The following FRMD6 variants were observed in gnomAD, a reference collection of about 807,000 sequenced individuals.
FRMD6 encodes the protein FERM domain containing 6.
Under a neutral mutation model 73.2 loss-of-function variants are expected in FRMD6, and 37 were observed. The ratio of observed to expected loss-of-function variants is 0.51; its 90% CI spans 0.39 to 0.66. The LOEUF (loss-of-function observed/expected upper bound fraction) is 0.66, where lower values mean the gene tolerates loss of function less well. FRMD6 is among the 30% of genes least tolerant of loss of function. The pLI, the probability that FRMD6 is intolerant of heterozygous loss-of-function variation, is 0.00. For missense variants in FRMD6, 714 were observed against 780.5 expected (o/e 0.91, Z 1.02); for synonymous variants, 273 against 282.2 (o/e 0.97, Z 0.33).
chr14:51,448,143 A>T, the FRMD6 span, among the ~76,000 whole-genome samples: 4 of 152,190 alleles, frequency 2.6e-5, no homozygotes, highest in Non-Finnish European at 4.4e-5. Flanking sequence ...ATTTTTTGGA[A>T]TTCCTAATGT....
intron 1 of FRMD6, among the ~76,000 whole-genome samples, chr14:51,498,213 C>A (rs932151662): frequency 3.3e-5 from 5 of 152,124 alleles, no homozygotes; most frequent in Admixed American, 3.3e-4. Flanking sequence ...TTAGCCAGAC[C>A]CATAAGCGTA....
intron 2 of FRMD6, among the ~76,000 whole-genome samples, chr14:51,628,319 A>G (rs1394629187): frequency 6.6e-6 from 1 of 152,248 alleles, no homozygotes; most frequent in African/African-American, 2.4e-5. Flanking sequence ...TAATTGACAT[A>G]CTATAAAATT....
At chr14:51,568,914 C>T (rs927685539) in intron 1 of FRMD6, among the ~76,000 whole-genome samples, 1 of 149,188 alleles carries the variant, frequency 6.7e-6, no homozygotes, top group Non-Finnish European at 1.5e-5. Flanking sequence ...GGCGCAGTCT[C>T]GGCTCACTGC....
intron 2 of FRMD6, among the ~76,000 whole-genome samples, chr14:51,629,394 A>G (rs4402469): frequency 0.25 from 37,640 of 152,160 alleles, 5,131 homozygotes; most frequent in Admixed American, 0.36. Context: ...CCTAAGAGCA[A>G]AATTCCTAGG....
intron 9 of FRMD6, chr14:51,713,991 A>G (rs1227923729): frequency 1.3e-5 from 2 of 152,114 alleles, no homozygotes; most frequent in South Asian, 2.1e-4. Context: ...TTAAAGATAC[A>G]TATTTTTGGG....
the FRMD6 span, among the ~76,000 whole-genome samples, chr14:51,441,655 G>A: frequency 6.6e-6 from 1 of 152,210 alleles, no homozygotes; most frequent in East Asian, 1.9e-4. Context: ...TGGACAGAGA[G>A]AATGCAGGTG....
the FRMD6 span, among the ~76,000 whole-genome samples, chr14:51,444,828 A>G: frequency 6.6e-4 from 100 of 152,236 alleles, no homozygotes; most frequent in African/African-American, 2.1e-3. Flanking sequence ...CTTGTTGTCG[A>G]TGTTGGTGTC....
At chr14:51,430,044 A>C in the FRMD6 span, among the ~76,000 whole-genome samples, 1 of 152,212 alleles carries the variant, frequency 6.6e-6, no homozygotes, top group Admixed American at 6.5e-5. Flanking sequence ...AAGAAAGAAA[A>C]AGAAATAAAA....
intron 1 of FRMD6, among the ~76,000 whole-genome samples, chr14:51,498,302 TC>T (rs1883416328): frequency 6.6e-6 from 1 of 152,234 alleles, no homozygotes; most frequent in Non-Finnish European, 1.5e-5. Flanking sequence ...TTTCCCTTTT[TC>T]CAGACTCCAG....
intron 1 of FRMD6, among the ~76,000 whole-genome samples, chr14:51,549,756 C>T (rs1461003713): frequency 1.3e-5 from 2 of 151,992 alleles, no homozygotes; most frequent in Non-Finnish European, 2.9e-5. Context: ...CCGCCTCGCC[C>T]GGCTAGTTTT....
In FRMD6 at chr14:51,671,050, A is replaced by T. The variant is rs190798026; in HGVS notation, c.-146-18641A>T. Among the ~76,000 whole-genome samples, 640 of 152,344 alleles carry T rather than the reference A, an allele frequency of 4.2e-3. 5 individuals carry two copies. The highest frequency in any genetic ancestry group is 0.029 in the South Asian group (139 of 4,824). On this transcript the variant is annotated intron_variant, in intron 1 of 13. Transcript: ENST00000344768. ...CAGTTTTTCATCTTTTGTGGTGAGTAACATTGATTTTTGAATATCAAACCA... is the reference window on the plus strand; with the variant it reads ...CAGTTTTTCATCTTTTGTGGTGAGTTACATTGATTTTTGAATATCAAACCA...
intron 1 of FRMD6, among the ~76,000 whole-genome samples, chr14:51,675,069 T>C (rs1894290656): frequency 6.6e-6 from 1 of 152,214 alleles, no homozygotes; most frequent in Middle Eastern, 3.4e-3. Flanking sequence ...ATATGGGAAA[T>C]AGAATGTTGC....
At chr14:51,438,384 C>G in the FRMD6 span, among the ~76,000 whole-genome samples, 635 of 152,274 alleles carry the variant, frequency 4.2e-3, 6 homozygotes, top group African/African-American at 0.015. Context: ...AGATGATGCT[C>G]AGTTTTAAAG....
chr14:51,510,382 C>T (rs1000523721), intron 1 of FRMD6, among the ~76,000 whole-genome samples: 6 of 152,192 alleles, frequency 3.9e-5, no homozygotes, highest in African/African-American at 1.4e-4. Context: ...CTGTTCATGC[C>T]TCCCTTGTGT....
At position 51,566,810 on chromosome 14, in the gene FRMD6, C is replaced by A. The variant is rs186942808; in HGVS notation, c.-209-3538C>A. On this transcript the variant is annotated intron_variant, in intron 1 of 14. Transcript: ENST00000356218. ...GATAGTTTCCTCTCTAGACTAAGAA[C>A]AAAGTTTTGTAAAGTATCCTTCTGT... Among the ~76,000 whole-genome samples, 17 of 152,312 alleles carry A rather than the reference C, an allele frequency of 1.1e-4. 1 individual carries two copies. In the East Asian group the frequency reaches 3.1e-3, roughly 28 times the overall value.
chr14:51,639,596 T>C (rs1212223131), intron 2 of FRMD6, among the ~76,000 whole-genome samples: 1 of 152,238 alleles, frequency 6.6e-6, no homozygotes, highest in African/African-American at 2.4e-5. Flanking sequence ...AAACCTAAAC[T>C]TGGCATAGCA....
intron 2 of FRMD6, among the ~76,000 whole-genome samples, chr14:51,645,364 T>C (rs145096260): frequency 2.3e-4 from 35 of 152,322 alleles, no homozygotes; most frequent in African/African-American, 8.2e-4. Context: ...AGGGTGTCCC[T>C]TGGAGGCTGC....
intron 2 of FRMD6, among the ~76,000 whole-genome samples, chr14:51,617,625 A>G (rs1890765350): frequency 6.6e-6 from 1 of 152,076 alleles, no homozygotes; most frequent in South Asian, 2.1e-4. Flanking sequence ...AAGGATGGTT[A>G]TAATGCTACC....
chr14:51,485,938 G>GCCTCAGAATC (rs1302125264), upstream of FRMD6, among the ~76,000 whole-genome samples: 6 of 152,022 alleles, frequency 3.9e-5, no homozygotes, highest in Non-Finnish European at 5.9e-5. Context: ...CCAGGGAACT[G>GCCTCAGAATC]CCTCAGAATC....
Sources: allele counts gnomAD v4.1 joint callset (sites outside exome capture counted in the v4.1 genomes callset), GRCh38; gene constraint gnomAD v4.1.1; transcripts MANE v1.5; gene names NCBI Gene and HGNC (gene_info 2026-07-23, HGNC 2026-07-21).